Variants in SNTG1 observed in about 807,000 individuals in gnomAD.
SNTG1 encodes gamma-1-syntrophin.
Under a neutral mutation model 74.7 loss-of-function variants are expected in SNTG1, and 39 were observed. The ratio of observed to expected loss-of-function variants is 0.52; its 90% CI spans 0.40 to 0.68. The LOEUF (loss-of-function observed/expected upper bound fraction) is 0.68, where lower values mean the gene tolerates loss of function less well. SNTG1 is among the 30% of genes least tolerant of loss of function. The pLI, the probability that SNTG1 is intolerant of heterozygous loss-of-function variation, is 0.00. For synonymous variants in SNTG1, 254 were observed against 217.1 expected (o/e 1.17, Z -1.49); for missense variants, 685 against 609.5 (o/e 1.12, Z -1.30).
At chr8:50,256,086 C>T (rs1342729066) in intron 2 of SNTG1, among the ~76,000 whole-genome samples, 1 of 152,166 alleles carries the variant, frequency 6.6e-6, no homozygotes, top group African/African-American at 2.4e-5. Context: ...TTGCTCTATA[C>T]TTTGCCTGCT....
chr8:50,574,219 C>T (rs2094564526), intron 12 of SNTG1, among the ~76,000 whole-genome samples: 1 of 151,960 alleles, frequency 6.6e-6, no homozygotes, highest in Admixed American at 6.6e-5. Context: ...CTATTTTTTA[C>T]CATTCCATTT....
intron 1 of SNTG1, among the ~76,000 whole-genome samples, chr8:50,117,195 T>C (rs1370386913): frequency 1.3e-5 from 2 of 152,066 alleles, no homozygotes; most frequent in Admixed American, 1.3e-4. Context: ...TACATATGCC[T>C]GAAAATATTC....
At chr8:50,510,118 G>T (rs976422369) in intron 9 of SNTG1, among the ~76,000 whole-genome samples, 1 of 152,100 alleles carries the variant, frequency 6.6e-6, no homozygotes, top group Non-Finnish European at 1.5e-5. Flanking sequence ...AGAGTTTTTA[G>T]CATGAAGGGT....
intron 9 of SNTG1, among the ~76,000 whole-genome samples, chr8:50,512,300 G>T (rs1314803168): frequency 1.3e-5 from 2 of 151,764 alleles, no homozygotes; most frequent in African/African-American, 4.8e-5. Context: ...TAGTCTAATG[G>T]ACTTCCCTTT....
At chr8:50,398,519 C>G (rs1208837067) in intron 3 of SNTG1, among the ~76,000 whole-genome samples, 1 of 152,174 alleles carries the variant, frequency 6.6e-6, no homozygotes. Context: ...CAAGACAAAC[C>G]ACACATATTT....
At chr8:50,462,036 C>T (rs189946645) in intron 8 of SNTG1, among the ~76,000 whole-genome samples, 133 of 152,136 alleles carry the variant, frequency 8.7e-4, no homozygotes, top group African/African-American at 2.6e-3. Context: ...ACCACATATT[C>T]GGTACAGTGT....
chr8:50,446,278 T>C (rs1292266488), intron 5 of SNTG1, among the ~76,000 whole-genome samples: 1 of 152,086 alleles, frequency 6.6e-6, no homozygotes, highest in Non-Finnish European at 1.5e-5. Context: ...GAGTTCCAAT[T>C]TTATCTTCTG....
At chr8:50,309,765 A>G (rs1240274474) in intron 2 of SNTG1, among the ~76,000 whole-genome samples, 3 of 152,198 alleles carry the variant, frequency 2.0e-5, no homozygotes, top group Non-Finnish European at 4.4e-5. Context: ...ATTTAGCTTT[A>G]ACCAGTTATC....
intron 1 of SNTG1, among the ~76,000 whole-genome samples, chr8:49,952,076 T>C (rs1809772036): frequency 6.6e-6 from 1 of 152,036 alleles, no homozygotes; most frequent in Non-Finnish European, 1.5e-5. Context: ...CTGCAAGAAA[T>C]GTTATTTTAG....
chr8:50,144,241 G>C (rs2081776795), intron 1 of SNTG1, among the ~76,000 whole-genome samples: 1 of 152,160 alleles, frequency 6.6e-6, no homozygotes, highest in Admixed American at 6.5e-5. Context: ...AAATTACTTA[G>C]AATGCATTGT....
rs575818132 is a variant in SNTG1, at chr8:50,000,968, C to A, written c.-103+88737C>A. Among the ~76,000 whole-genome samples the A allele has an allele frequency of 4.6e-5, 7 of 152,268 alleles. No homozygotes were observed. The South Asian group carries it at 1.4e-3, about 32-fold the overall frequency. On this transcript the variant is annotated intron_variant, in intron 1 of 18. Transcript: ENST00000642720. Reference sequence around the variant, plus strand: ...AAGCCTTTCTTTTGCCTTCAATTTTCTTTCCAGAAACTTATGTTAAAGATA... The same window carrying A: ...AAGCCTTTCTTTTGCCTTCAATTTTATTTCCAGAAACTTATGTTAAAGATA...
intron 1 of SNTG1, among the ~76,000 whole-genome samples, chr8:49,979,297 C>G (rs1296087636): frequency 6.6e-6 from 1 of 152,128 alleles, no homozygotes; most frequent in Non-Finnish European, 1.5e-5. Flanking sequence ...CCGCCTGCCC[C>G]GCGCCACGAC....
intron 8 of SNTG1, among the ~76,000 whole-genome samples, chr8:50,477,337 G>A (rs1160810045): frequency 6.6e-6 from 1 of 152,058 alleles, no homozygotes; most frequent in Non-Finnish European, 1.5e-5. Context: ...TACACTTGAT[G>A]TGATATGAGG....
intron 15 of SNTG1, among the ~76,000 whole-genome samples, chr8:50,688,304 TG>T (rs2095361885): frequency 6.6e-6 from 1 of 152,216 alleles, no homozygotes; most frequent in African/African-American, 2.4e-5. Context: ...CCATTGCTTT[TG>T]GTATTTTAGA....
chr8:50,426,982 G>T (rs1365257895), intron 4 of SNTG1, among the ~76,000 whole-genome samples: 2 of 152,100 alleles, frequency 1.3e-5, no homozygotes, highest in Non-Finnish European at 1.5e-5. Context: ...TATACCTGGA[G>T]ATGTATGTAG....
At chr8:50,681,244 A>G (rs926014157) in intron 15 of SNTG1, among the ~76,000 whole-genome samples, 1 of 152,074 alleles carries the variant, frequency 6.6e-6, no homozygotes, top group African/African-American at 2.4e-5. Context: ...TGTTTTTTTG[A>G]TGTTGAAATA....
At chr8:50,480,677 T>C (rs1298153565) in intron 8 of SNTG1, among the ~76,000 whole-genome samples, 1 of 152,212 alleles carries the variant, frequency 6.6e-6, no homozygotes, top group East Asian at 1.9e-4. Flanking sequence ...GACCCAATGT[T>C]GAAGGTTTGG....
intron 15 of SNTG1, among the ~76,000 whole-genome samples, chr8:50,702,650 G>C (rs1307839642): frequency 6.6e-6 from 1 of 152,058 alleles, no homozygotes; most frequent in Admixed American, 6.6e-5. Flanking sequence ...CATAGATATA[G>C]CATATATACA....
At chr8:50,107,113 C>G (rs563883450) in intron 1 of SNTG1, among the ~76,000 whole-genome samples, 1 of 152,240 alleles carries the variant, frequency 6.6e-6, no homozygotes, top group Admixed American at 6.5e-5. Context: ...AAATTTTATT[C>G]TCAAGGAAGG....
Sources: allele counts gnomAD v4.1 joint callset (sites outside exome capture counted in the v4.1 genomes callset), GRCh38; gene constraint gnomAD v4.1.1; transcripts MANE v1.5; gene names NCBI Gene and HGNC (gene_info 2026-07-23, HGNC 2026-07-21).